SOX5: variants seen among roughly 807,000 people sequenced by gnomAD.
The protein encoded by SOX5 is transcription factor SOX-5.
A neutral mutation model predicts 92.0 loss-of-function variants in SOX5; 9 were observed. The observed-to-expected ratio is 0.10, with a 90% CI of 0.06 to 0.17. The LOEUF is 0.17. Ranked by LOEUF, SOX5 falls within the 10% of genes least tolerant of loss-of-function variation. The pLI is 1.00. For missense variants in SOX5, 642 were observed against 944.5 expected (o/e 0.68, Z 4.20); for synonymous variants, 344 against 336.3 (o/e 1.02, Z -0.25).
In SOX5 at chr12:24,443,249, G is replaced by A. The variant is rs12312899; in HGVS notation, c.-250-74610C>T. 7.0e-3 allele frequency among the ~76,000 whole-genome samples: 1,072 copies of A among 152,206 alleles called. 15 individuals carry two copies. The highest frequency in any genetic ancestry group is 0.024 in the African/African-American group (995 of 41,520). On this transcript the variant is annotated intron_variant, in intron 1 of 4. Coordinates refer to the SOX5 transcript ENST00000446891. The stretch of plus-strand genomic sequence containing the variant: ...ATCACAGGCGTGAGCCACCACGCCC[G>A]GCCAGTTTATGGATTATTTTTAAAA...
intron 4 of SOX5, among the ~76,000 whole-genome samples, chr12:24,112,907 A>AT (rs1292081775): frequency 2.7e-5 from 4 of 150,902 alleles, no homozygotes; most frequent in East Asian, 1.9e-4. Context: ...TTAGGGTTCC[A>AT]TTTTTTTTCA....
At chr12:24,516,165 C>T (rs966581047) in intron 1 of SOX5, among the ~76,000 whole-genome samples, 2 of 151,834 alleles carry the variant, frequency 1.3e-5, no homozygotes, top group Non-Finnish European at 2.9e-5. Context: ...ACCTCAACCT[C>T]CCGGGTACTT....
chr12:23,606,830 A>C (rs2075312185), intron 8 of SOX5, among the ~76,000 whole-genome samples: 1 of 152,114 alleles, frequency 6.6e-6, no homozygotes, highest in Non-Finnish European at 1.5e-5. Context: ...TCTGAGTTAA[A>C]TTGTCCTAAA....
intron 1 of SOX5, among the ~76,000 whole-genome samples, chr12:23,945,483 G>A (rs146310099): frequency 5.3e-5 from 8 of 152,248 alleles, no homozygotes; most frequent in Non-Finnish European, 1.0e-4. Context: ...CTCCTGCCAA[G>A]TCTTCAGGAC....
intron 4 of SOX5, among the ~76,000 whole-genome samples, chr12:24,193,951 T>A (rs1404987479): frequency 6.6e-6 from 1 of 152,072 alleles, no homozygotes; most frequent in Non-Finnish European, 1.5e-5. Flanking sequence ...TGAAAAAAAA[T>A]TGGCCACCTA....
At chr12:23,607,285 G>A (rs146330030) in intron 8 of SOX5, among the ~76,000 whole-genome samples, 5 of 152,190 alleles carry the variant, frequency 3.3e-5, no homozygotes, top group Admixed American at 3.3e-4. Flanking sequence ...TAACACAAAA[G>A]CAAAAATGAA....
chr12:24,217,861 G>T (rs1385285428), intron 3 of SOX5, among the ~76,000 whole-genome samples: 2 of 152,152 alleles, frequency 1.3e-5, no homozygotes, highest in African/African-American at 4.8e-5. Context: ...CACTAGAGAA[G>T]ATGTACAAAG....
At chr12:23,602,015 A>G (rs1337988108) in intron 9 of SOX5, among the ~76,000 whole-genome samples, 1 of 152,188 alleles carries the variant, frequency 6.6e-6, no homozygotes, top group Non-Finnish European at 1.5e-5. Flanking sequence ...ATAATTGTGG[A>G]TGGAAAGAAG....
intron 4 of SOX5, among the ~76,000 whole-genome samples, chr12:24,043,593 C>G (rs1307733903): frequency 6.6e-6 from 1 of 152,128 alleles, no homozygotes. Context: ...GGTAAGGGTC[C>G]CCCAAGTTCA....
At chr12:24,082,010 T>C (rs1292201659) in intron 4 of SOX5, among the ~76,000 whole-genome samples, 1 of 152,012 alleles carries the variant, frequency 6.6e-6, no homozygotes, top group Non-Finnish European at 1.5e-5. Flanking sequence ...CCACCGTTAC[T>C]GTTATTCAAA....
chr12:24,237,587 C>A (rs1338248133), intron 3 of SOX5, among the ~76,000 whole-genome samples: 3 of 142,984 alleles, frequency 2.1e-5, no homozygotes, highest in African/African-American at 7.7e-5. Context: ...AGTCGTAAGA[C>A]TTTTTTTTTT....
intron 7 of SOX5, among the ~76,000 whole-genome samples, chr12:23,653,913 C>T (rs1299414849): frequency 6.6e-6 from 1 of 152,078 alleles, no homozygotes; most frequent in Non-Finnish European, 1.5e-5. Context: ...GTCCCTAGCA[C>T]AATGCCTGAC....
intron 4 of SOX5, among the ~76,000 whole-genome samples, chr12:24,131,533 T>C (rs566687564): frequency 3.3e-5 from 5 of 152,318 alleles, no homozygotes; most frequent in African/African-American, 1.2e-4. Context: ...TTAAGAATAA[T>C]CCATTTTAAA....
At position 23,993,656 on chromosome 12, in the gene SOX5, G is replaced by GA. The variant is rs34880482; in HGVS notation, c.-1-97633dup. Among the ~76,000 whole-genome samples the GA allele has an allele frequency of 5.9e-5, 9 of 151,996 alleles. No individual in the cohort carries two copies. In the South Asian group the frequency reaches 6.2e-4, roughly 11 times the overall value. ...AGAAAGACTTTTTCAGGAATCTTTTGAAAAAAACATTATTTTAAGATATTA... is the reference window on the plus strand; with the variant it reads ...AGAAAGACTTTTTCAGGAATCTTTTGAAAAAAAACATTATTTTAAGATATTA... On this transcript the variant is annotated intron_variant, in intron 4 of 4. Transcript: ENST00000446891.
chr12:24,537,156 A>G (rs1473081107), intron 1 of SOX5, among the ~76,000 whole-genome samples: 2 of 152,238 alleles, frequency 1.3e-5, no homozygotes, highest in Admixed American at 1.3e-4. Context: ...TTATTGAATA[A>G]ATAACTAAAT....
At chr12:24,003,306 G>C (rs1157982796) in intron 4 of SOX5, among the ~76,000 whole-genome samples, 8 of 151,890 alleles carry the variant, frequency 5.3e-5, no homozygotes, top group Non-Finnish European at 1.2e-4. Flanking sequence ...GTTCTAGCCA[G>C]TATAATGAGT....
intron 6 of SOX5, among the ~76,000 whole-genome samples, chr12:23,672,238 C>G (rs761871266): frequency 4.1e-4 from 62 of 152,076 alleles, no homozygotes; most frequent in Non-Finnish European, 7.4e-4. Flanking sequence ...TGTATTCCTA[C>G]CCCTCCTAAA....
intron 1 of SOX5, among the ~76,000 whole-genome samples, chr12:23,911,754 T>C (rs941312473): frequency 6.6e-6 from 1 of 152,104 alleles, no homozygotes; most frequent in Non-Finnish European, 1.5e-5. Flanking sequence ...ACAGTGACTG[T>C]TCTAGGTGCT....
At chr12:23,621,190 T>C (rs192144173) in intron 8 of SOX5, among the ~76,000 whole-genome samples, 55 of 152,112 alleles carry the variant, frequency 3.6e-4, no homozygotes, top group African/African-American at 1.3e-3. Flanking sequence ...ACCTTGAAAA[T>C]ATTAGGCTAA....
Sources: allele counts gnomAD v4.1 joint callset (sites outside exome capture counted in the v4.1 genomes callset), GRCh38; gene constraint gnomAD v4.1.1; transcripts MANE v1.5; gene names NCBI Gene and HGNC (gene_info 2026-07-23, HGNC 2026-07-21).